Variants in HDAC9 observed in about 807,000 individuals in gnomAD.
HDAC9 encodes the protein MEF-2 interacting transcription repressor (MITR) protein.
HDAC9 carries 41 observed loss-of-function variants against 139.4 expected under a neutral mutation model. That is an observed-to-expected ratio of 0.29 (90% CI 0.23 to 0.38). HDAC9 has a LOEUF of 0.38. Among genes scored for constraint, HDAC9 ranks in the 10% least tolerant of loss-of-function variants. The pLI is 1.00. For missense variants in HDAC9, 1,147 were observed against 1,297.0 expected, an observed-to-expected ratio of 0.88 and a Z score of 1.78; for synonymous variants, 517 against 476.2, an observed-to-expected ratio of 1.09 and a Z score of -1.12.
intron 12 of HDAC9, among the ~76,000 whole-genome samples, chr7:18,721,788 A>T (rs1024293653): frequency 6.6e-6 from 1 of 152,200 alleles, no homozygotes; most frequent in Non-Finnish European, 1.5e-5. Flanking sequence ...CAAAAAACGG[A>T]ACCATGTAAT....
intron 22 of HDAC9, among the ~76,000 whole-genome samples, chr7:18,909,981 AT>A (rs34293829): frequency 6.6e-6 from 1 of 151,266 alleles, no homozygotes; most frequent in South Asian, 2.1e-4. Context: ...AAATTTTAGG[AT>A]TTTTTTTATT....
intron 1 of HDAC9, among the ~76,000 whole-genome samples, chr7:18,302,943 T>A (rs1234666213): frequency 6.6e-6 from 1 of 152,116 alleles, no homozygotes; most frequent in Non-Finnish European, 1.5e-5. Context: ...TTAAGTAACT[T>A]TTTCCTTCAG....
chr7:18,765,115 A>G (rs1266351511), intron 15 of HDAC9, among the ~76,000 whole-genome samples: 1 of 152,200 alleles, frequency 6.6e-6, no homozygotes, highest in Admixed American at 6.5e-5. Context: ...TTGATAAGAC[A>G]ACATAATTAA....
intron 2 of HDAC9, among the ~76,000 whole-genome samples, chr7:18,507,428 C>T (rs908641594): frequency 1.3e-5 from 2 of 151,744 alleles, no homozygotes; most frequent in Non-Finnish European, 2.9e-5. Context: ...CTCCTGACCT[C>T]GTGATCCGCC....
intron 9 of HDAC9, among the ~76,000 whole-genome samples, chr7:18,647,536 A>T (rs1787821322): frequency 6.6e-6 from 1 of 152,190 alleles, no homozygotes. Context: ...TTCTGATTTT[A>T]ATTATAAAAC....
intron 22 of HDAC9, among the ~76,000 whole-genome samples, chr7:18,931,002 T>A (rs1804693610): frequency 6.6e-6 from 1 of 152,208 alleles, no homozygotes; most frequent in Non-Finnish European, 1.5e-5. Context: ...TTTAGATAAT[T>A]GAATTCTCAG....
intron 1 of HDAC9, among the ~76,000 whole-genome samples, chr7:18,451,429 ATGTGTG>A (rs1193822580): frequency 3.6e-5 from 5 of 137,734 alleles, no homozygotes; most frequent in East Asian, 2.1e-4. Flanking sequence ...GTGTATATAT[ATGTGTG>A]TGTGTGTGTG....
chr7:18,903,955 G>T (rs1283665792), intron 22 of HDAC9, among the ~76,000 whole-genome samples: 2 of 152,128 alleles, frequency 1.3e-5, no homozygotes, highest in South Asian at 2.1e-4. Context: ...TTACACAACT[G>T]GCAACAAATC....
intron 2 of HDAC9, among the ~76,000 whole-genome samples, chr7:18,189,255 A>G (rs1385830273): frequency 6.6e-6 from 1 of 151,472 alleles, no homozygotes; most frequent in Non-Finnish European, 1.5e-5. Context: ...AGAAAACCAA[A>G]CACCGCATGT....
At chr7:18,435,059 C>CAAAAAAAAAAAAAAAAA (rs376786180) in intron 1 of HDAC9, among the ~76,000 whole-genome samples, 3 of 67,806 alleles carry the variant, frequency 4.4e-5, no homozygotes, top group African/African-American at 1.8e-4. Flanking sequence ...ACTACACAGC[C>CAAAAAAAAAAAAAAAAA]AAAAAAAAAA....
chr7:18,560,576 T>C (rs1442421908), intron 2 of HDAC9, among the ~76,000 whole-genome samples: 9 of 152,208 alleles, frequency 5.9e-5, no homozygotes, highest in African/African-American at 2.2e-4. Flanking sequence ...TAGCACTTCT[T>C]CACTACAGTG....
At chr7:18,534,045 G>A (rs550118902) in intron 2 of HDAC9, among the ~76,000 whole-genome samples, 8 of 152,000 alleles carry the variant, frequency 5.3e-5, no homozygotes, top group East Asian at 1.9e-4. Flanking sequence ...ATTTTTCTGC[G>A]TGCACTTTAT....
In HDAC9 at chr7:18,618,444, A is replaced by G. The variant is rs548816257; in HGVS notation, c.665-10906A>G. Among the ~76,000 whole-genome samples, 12 of 152,016 alleles carry G rather than the reference A, an allele frequency of 7.9e-5. No homozygotes were observed. The East Asian group carries it at 1.2e-3, about 15-fold the overall frequency. The stretch of plus-strand genomic sequence containing the variant: ...ATGATACCCAGGATATTATCAGGGG[A>G]TAGGTATTGCCTTTCTGGACCATGA... On this transcript the variant is annotated intron_variant, in intron 6 of 25. Coordinates refer to ENST00000686413, the MANE Select transcript of HDAC9 (RefSeq NM_178425.4).
In HDAC9 at chr7:18,305,904, C is replaced by T. The variant is rs139124999; in HGVS notation, c.-42+15389C>T. ...CCAGGTTTTGAGGGACTAACTGGAA[C>T]GAGGAAGGTAACCTGAGCCAAGATG... is the stretch of plus-strand genomic sequence containing the variant. On this transcript the variant is annotated intron_variant, in intron 1 of 3. Transcript: ENST00000413509. Among the ~76,000 whole-genome samples, 426 of 152,016 alleles carry T rather than the reference C, an allele frequency of 2.8e-3. 2 individuals carry two copies. Among genetic ancestry groups the T allele is most frequent in the African/African-American group, 9.5e-3 (392 of 41,400 alleles).
intron 1 of HDAC9, among the ~76,000 whole-genome samples, chr7:18,121,261 G>A (rs1032844424): frequency 6.6e-6 from 1 of 152,190 alleles, no homozygotes; most frequent in Non-Finnish European, 1.5e-5. Flanking sequence ...ACTGCCTTTT[G>A]AATAGAGTAT....
At chr7:18,840,968 T>C (rs544408817) in intron 21 of HDAC9, among the ~76,000 whole-genome samples, 1 of 152,204 alleles carries the variant, frequency 6.6e-6, no homozygotes, top group African/African-American at 2.4e-5. Flanking sequence ...TAAAACCTTT[T>C]ATTGTCATAT....
intron 13 of HDAC9, among the ~76,000 whole-genome samples, chr7:18,745,835 C>T (rs1246652816): frequency 6.6e-6 from 1 of 150,806 alleles, no homozygotes; most frequent in African/African-American, 2.4e-5. Context: ...CGTGAGCCAC[C>T]GTGCCCGGCC....
chr7:18,876,601 C>A (rs894189561), intron 22 of HDAC9, among the ~76,000 whole-genome samples: 1 of 151,870 alleles, frequency 6.6e-6, no homozygotes, highest in African/African-American at 2.4e-5. Context: ...GGGTTAAAAT[C>A]AAAGTTCTTA....
chr7:18,204,499 T>C (rs960176891), intron 2 of HDAC9, among the ~76,000 whole-genome samples: 23 of 152,046 alleles, frequency 1.5e-4, no homozygotes, highest in African/African-American at 4.1e-4. Flanking sequence ...TATAAATTGT[T>C]AACAATAATG....
Sources: allele counts gnomAD v4.1 joint callset (sites outside exome capture counted in the v4.1 genomes callset), GRCh38; gene constraint gnomAD v4.1.1; transcripts MANE v1.5; gene names NCBI Gene and HGNC (gene_info 2026-07-23, HGNC 2026-07-21).